The following MRTFA variants were observed in gnomAD, a reference collection of about 807,000 sequenced individuals.
MRTFA encodes the protein myocardin-related transcription factor A.
In MRTFA, 20 loss-of-function variants were observed where a neutral mutation model predicts 83.5. The ratio of observed to expected loss-of-function variants is 0.24; its 90% CI spans 0.17 to 0.35. The LOEUF (loss-of-function observed/expected upper bound fraction) is 0.35. Among genes scored for constraint, MRTFA ranks in the 10% least tolerant of loss-of-function variants. MRTFA has a pLI of 1.00. For missense variants in MRTFA, 1,200 were observed against 1,224.7 expected (o/e 0.98, Z 0.30); for synonymous variants, 659 against 541.2 (o/e 1.22, Z -3.02).
intron 2 of MRTFA, among the ~76,000 whole-genome samples, chr22:40,566,382 G>A (rs1254004518): frequency 6.6e-6 from 1 of 151,992 alleles, no homozygotes; most frequent in Non-Finnish European, 1.5e-5. Flanking sequence ...GCCACACCTG[G>A]CTAATTTTTT....
At chr22:40,481,019 C>T (rs1251755712) in intron 3 of MRTFA, among the ~76,000 whole-genome samples, 1 of 151,994 alleles carries the variant, frequency 6.6e-6, no homozygotes, top group Non-Finnish European at 1.5e-5. Flanking sequence ...GTAGTCCTAG[C>T]TGCTCCGGAA....
intron 2 of MRTFA, among the ~76,000 whole-genome samples, chr22:40,584,237 A>C (rs1261328051): frequency 6.6e-6 from 1 of 152,218 alleles, no homozygotes; most frequent in Non-Finnish European, 1.5e-5. Context: ...TTCCGATGCT[A>C]AGAAACTAAA....
At chr22:40,453,682 C>T (rs1462177129) in intron 4 of MRTFA, among the ~76,000 whole-genome samples, 1 of 152,020 alleles carries the variant, frequency 6.6e-6, no homozygotes, top group East Asian at 1.9e-4. Context: ...TAACACTCCA[C>T]TTAAAAGCAA....
At chr22:40,509,667 C>A (rs958879125) in intron 3 of MRTFA, among the ~76,000 whole-genome samples, 1 of 152,194 alleles carries the variant, frequency 6.6e-6, no homozygotes, top group African/African-American at 2.4e-5. Flanking sequence ...ATTCAAAATA[C>A]CTAAGTTTAT....
chr22:40,545,270 A>T (rs1434823388), intron 3 of MRTFA, among the ~76,000 whole-genome samples: 1 of 152,108 alleles, frequency 6.6e-6, no homozygotes, highest in East Asian at 1.9e-4. Context: ...TTTAAAATAT[A>T]CCTTGAAAGT....
At chr22:40,467,450 C>G (rs183829649) in intron 3 of MRTFA, among the ~76,000 whole-genome samples, 1 of 152,026 alleles carries the variant, frequency 6.6e-6, no homozygotes, top group East Asian at 1.9e-4. Flanking sequence ...CTATTAATTC[C>G]TCTTAATTCT....
intron 2 of MRTFA, among the ~76,000 whole-genome samples, chr22:40,580,744 C>T (rs1486948734): frequency 6.6e-6 from 1 of 152,064 alleles, no homozygotes; most frequent in Non-Finnish European, 1.5e-5. Flanking sequence ...TTGTAGCATA[C>T]ATATGTTTTC....
In MRTFA at chr22:40,601,767, G is replaced by C. The variant is rs143548023; in HGVS notation, c.-83-7032C>G. On this transcript the variant is annotated intron_variant, in intron 1 of 14. Coordinates refer to ENST00000355630, the MANE Select transcript of MRTFA (RefSeq NM_020831.6). ...GCCACTGTGATCCACCTGAGTACCA[G>C]AGCAAGACTTTGTCTCTTTAAAAAC... Among the ~76,000 whole-genome samples, 35 of 152,242 alleles carry C rather than the reference G, an allele frequency of 2.3e-4. No individual in the cohort carries two copies. The East Asian group carries it at 5.8e-3, about 25-fold the overall frequency.
chr22:40,609,418 C>T (rs1316836821), intron 1 of MRTFA, among the ~76,000 whole-genome samples: 1 of 138,866 alleles, frequency 7.2e-6, no homozygotes, highest in Non-Finnish European at 1.5e-5. Flanking sequence ...GAGTTTGAGG[C>T]TATGGTGAGC....
At chr22:40,514,713 C>G (rs1331841122) in intron 3 of MRTFA, among the ~76,000 whole-genome samples, 1 of 150,876 alleles carries the variant, frequency 6.6e-6, no homozygotes, top group Admixed American at 6.6e-5. Context: ...CTCCTGACCT[C>G]AAGTGATCCA....
At chr22:40,457,680 C>T (rs1042462982) in intron 4 of MRTFA, among the ~76,000 whole-genome samples, 3 of 152,072 alleles carry the variant, frequency 2.0e-5, no homozygotes, top group Non-Finnish European at 4.4e-5. Context: ...AAGATCTATA[C>T]GACAAAAATA....
chr22:40,488,204 C>T (rs985311392), intron 3 of MRTFA, among the ~76,000 whole-genome samples: 1 of 152,088 alleles, frequency 6.6e-6, no homozygotes, highest in Non-Finnish European at 1.5e-5. Context: ...CCTTCATAAA[C>T]TAGAGATGAA....
chr22:40,468,441 A>G (rs573107436), intron 3 of MRTFA, among the ~76,000 whole-genome samples: 1 of 152,294 alleles, frequency 6.6e-6, no homozygotes, highest in Non-Finnish European at 1.5e-5. Flanking sequence ...TGGGAAGAAC[A>G]GGACAGTAAA....
intron 3 of MRTFA, among the ~76,000 whole-genome samples, chr22:40,474,391 G>A (rs1420424003): frequency 1.3e-5 from 2 of 152,150 alleles, no homozygotes; most frequent in African/African-American, 4.8e-5. Context: ...TTAATATACA[G>A]TCAATTGTTT....
At chr22:40,534,337 T>A (rs2055130781) in intron 3 of MRTFA, among the ~76,000 whole-genome samples, 2 of 152,264 alleles carry the variant, frequency 1.3e-5, no homozygotes, top group African/African-American at 4.8e-5. Flanking sequence ...CTGAATACAT[T>A]CCAGAGCTGT....
intron 2 of MRTFA, among the ~76,000 whole-genome samples, chr22:40,556,338 T>C (rs186001597): frequency 6.6e-6 from 1 of 152,224 alleles, no homozygotes; most frequent in East Asian, 1.9e-4. Flanking sequence ...TGATCTAACT[T>C]CAAGTAAAGC....
At chr22:40,493,139 A>G (rs918811050) in intron 3 of MRTFA, among the ~76,000 whole-genome samples, 1 of 152,200 alleles carries the variant, frequency 6.6e-6, no homozygotes, top group African/African-American at 2.4e-5. Context: ...GGAAATCAGG[A>G]CAGCTACACT....
chr22:40,435,219 G>C (rs2053145268), intron 5 of MRTFA, among the ~76,000 whole-genome samples: 1 of 152,230 alleles, frequency 6.6e-6, no homozygotes, highest in Non-Finnish European at 1.5e-5. Context: ...ATTCAGGCAA[G>C]GAGGATCGGG....
chr22:40,546,049 C>T (rs1285036941), intron 3 of MRTFA, among the ~76,000 whole-genome samples: 2 of 152,216 alleles, frequency 1.3e-5, no homozygotes, highest in African/African-American at 4.8e-5. Flanking sequence ...CTATATGATA[C>T]ATGCTTCTAT....
Sources: gnomAD v4.1 joint callset for allele counts (sites outside exome capture counted in the v4.1 genomes callset) on GRCh38, gnomAD v4.1.1 for gene constraint, MANE v1.5 for transcripts, NCBI Gene and HGNC (gene_info 2026-07-23, HGNC 2026-07-21) for gene names.